The following PYM1 variants were observed in gnomAD, a reference collection of about 807,000 sequenced individuals.
PYM1 encodes PYM1 exon junction complex associated factor.
PYM1 carries 7 observed loss-of-function variants against 20.7 expected under a neutral mutation model. The observed-to-expected ratio is 0.34, with a 90% CI of 0.19 to 0.64. The LOEUF (loss-of-function observed/expected upper bound fraction) is 0.64. Ranked by LOEUF, PYM1 falls within the 30% of genes least tolerant of loss-of-function variation. PYM1 has a pLI of 0.74. For missense variants in PYM1, 194 were observed against 250.0 expected (o/e 0.78, Z 1.51); for synonymous variants, 100 against 99.2 (o/e 1.01, Z -0.05).
intron 1 of PYM1, among the ~76,000 whole-genome samples, chr12:55,905,950 T>TATATTAGATA (rs1555180546): frequency 1.6e-5 from 2 of 124,170 alleles, no homozygotes; most frequent in East Asian, 2.1e-4. Flanking sequence ...ATATATATTA[T>TATATTAGATA]TATATATATC....
At chr12:55,927,340 G>A (rs1310333392) in intron 1 of PYM1, 14 of 745,398 alleles carry the variant, frequency 1.9e-5, no homozygotes, top group Non-Finnish European at 3.3e-5. Flanking sequence ...CTTGCTGCCT[G>A]TAAAACAGTC....
At chr12:55,914,270 G>A (rs1272621212) in intron 1 of PYM1, 4 of 702,028 alleles carry the variant, frequency 5.7e-6, no homozygotes, top group Admixed American at 4.0e-5. Context: ...TATCACAAAG[G>A]AGCACCTATT....
chr12:55,902,462 T>C lies in PYM1; in HGVS notation c.132-107A>G, dbSNP rs921644524. On this transcript the variant is annotated intron_variant, in intron 2 of 2. Transcript: ENST00000408946. ...CCTCATTACATTCTTGCTTCCTTTT[T>C]TTGTTGTTGTTTTTGTGGGGTTGTT... 4 of 1,445,566 alleles carry C rather than the reference T, an allele frequency of 2.8e-6. No individual in the cohort carries two copies. The African/African-American group carries it at 5.7e-5, about 21-fold the overall frequency. 89.5% of individuals were successfully genotyped at this position (1,445,566 alleles called of 1,614,324 possible).
intron 1 of PYM1, chr12:55,927,192 A>G: frequency 1.3e-6 from 2 of 1,541,296 alleles, no homozygotes; most frequent in Non-Finnish European, 1.8e-6. Context: ...CGATCGTAGC[A>G]AGCCACCATC....
intron 1 of PYM1, among the ~76,000 whole-genome samples, chr12:55,924,971 C>T (rs1487421095): frequency 1.3e-5 from 2 of 152,148 alleles, no homozygotes; most frequent in Admixed American, 6.5e-5. Flanking sequence ...AGGCGTGAGC[C>T]GCCATGCCCA....
chr12:55,904,674 C>T (rs994133882), intron 1 of PYM1, among the ~76,000 whole-genome samples: 1 of 149,804 alleles, frequency 6.7e-6, no homozygotes, highest in South Asian at 2.1e-4. Flanking sequence ...AAGTGGAGTT[C>T]GAGACCAGCC....
chr12:55,909,938 G>A (rs1291005154), intron 1 of PYM1, among the ~76,000 whole-genome samples: 1 of 152,094 alleles, frequency 6.6e-6, no homozygotes, highest in Non-Finnish European at 1.5e-5. Context: ...AGTGGCTCAT[G>A]GCTGTAATCC....
chr12:55,913,145 T>C (rs1482372015), intron 1 of PYM1, among the ~76,000 whole-genome samples: 1 of 152,190 alleles, frequency 6.6e-6, no homozygotes, highest in African/African-American at 2.4e-5. Flanking sequence ...AAGGCAGCCT[T>C]CCTGACTTCC....
At chr12:55,924,786 C>G (rs705712) in intron 1 of PYM1, among the ~76,000 whole-genome samples, 5,781 of 152,266 alleles carry the variant, frequency 0.038, 381 homozygotes, top group African/African-American at 0.13. Flanking sequence ...AAGCGATTCT[C>G]CTGTCTCAAC....
intron 1 of PYM1, among the ~76,000 whole-genome samples, chr12:55,907,072 T>C (rs1439571923): frequency 7.1e-6 from 1 of 140,170 alleles, no homozygotes; most frequent in Non-Finnish European, 1.5e-5. Context: ...AACATATATA[T>C]ATATATGTTA....
rs901298191 is a variant in PYM1 at position 55,902,431 on chromosome 12, C to T, written c.132-76G>A. On this transcript the variant is annotated intron_variant, in intron 2 of 2. Coordinates refer to ENST00000408946, the MANE Select transcript of PYM1 (RefSeq NM_032345.3). ...ATCCCTTTTCTTAAACTTCCAAACACTTCATCCTCATTACATTCTTGCTTC... is the reference window on the plus strand; with the variant it reads ...ATCCCTTTTCTTAAACTTCCAAACATTTCATCCTCATTACATTCTTGCTTC... The T allele has an allele frequency of 5.3e-6, 8 of 1,510,482 alleles. No individual in the cohort carries two copies. The Admixed American group carries it at 1.3e-4, about 25-fold the overall frequency. 93.6% of individuals were successfully genotyped at this position (1,510,482 alleles called of 1,614,324 possible).
Position 55,902,082 on chromosome 12 carries a change from G to T in PYM1, c.405C>A (p.Pro135=), listed in dbSNP as rs774158597. ...AGTCAGGCTGGTCAGATGCAGCTGTGGGGGCTGCCCGAGAGCCCTGTGGAG... is the reference window on the plus strand; with the variant it reads ...AGTCAGGCTGGTCAGATGCAGCTGTTGGGGCTGCCCGAGAGCCCTGTGGAG... ...PSAPQGSRAA[P]TAASDQPDSA... is the part of the protein sequence containing the mutation. Residue 135 remains proline, a synonymous_variant, in exon 3 of 3, where the codon CCC becomes CCA. Coordinates refer to ENST00000408946, the MANE Select transcript of PYM1 (RefSeq NM_032345.3). The T allele has an allele frequency of 1.5e-5, 25 of 1,613,926 alleles. No homozygotes were observed. The highest frequency in any genetic ancestry group is 1.9e-5 in the Non-Finnish European group (23 of 1,180,012).
intron 2 of PYM1, 98 bp from the exon 3 acceptor site, chr12:55,902,453 C>T (rs1477644851): frequency 6.8e-7 from 1 of 1,471,006 alleles, no homozygotes; most frequent in Non-Finnish European, 9.0e-7. Context: ...TACATTCTTG[C>T]TTCCTTTTTT....
At chr12:55,927,119 G>A (rs1448560290) in intron 1 of PYM1, 2 of 1,550,394 alleles carry the variant, frequency 1.3e-6, no homozygotes, top group Admixed American at 2.0e-5. Context: ...TCTTGAAAAC[G>A]CAAACCACTT....
chr12:55,919,423 A>G (rs1488653808), intron 1 of PYM1, among the ~76,000 whole-genome samples: 1 of 152,074 alleles, frequency 6.6e-6, no homozygotes, highest in African/African-American at 2.4e-5. Flanking sequence ...CAAAGTGTTG[A>G]GGTTACAGGC....
intron 1 of PYM1, among the ~76,000 whole-genome samples, chr12:55,926,485 A>G (rs1268095976): frequency 1.3e-5 from 2 of 152,178 alleles, no homozygotes; most frequent in Non-Finnish European, 2.9e-5. Flanking sequence ...CCATCACGGG[A>G]GAAGGTAGCG....
chr12:55,923,402 CA>C (rs1238588066), intron 1 of PYM1, among the ~76,000 whole-genome samples: 3 of 151,484 alleles, frequency 2.0e-5, no homozygotes, highest in South Asian at 2.1e-4. Context: ...CGCATTTCTA[CA>C]AAAAATACAA....
chr12:55,907,220 T>C lies in PYM1; in HGVS notation c.38-3740A>G, dbSNP rs186760224. On this transcript the variant is annotated intron_variant, in intron 1 of 2. Coordinates refer to ENST00000408946, the MANE Select transcript of PYM1 (RefSeq NM_032345.3). ...GGTTCACACCTGTAATCCCAGCAAT[T>C]TGGGAGGTTGAAGTGGGTGGATCAC... 7.7e-4 allele frequency among the ~76,000 whole-genome samples: 117 copies of C among 151,780 alleles called. 1 individual carries two copies. Among genetic ancestry groups the C allele is most frequent in the African/African-American group, 2.6e-3 (108 of 41,374 alleles).
intron 1 of PYM1, among the ~76,000 whole-genome samples, chr12:55,917,366 G>A (rs1444366813): frequency 6.7e-6 from 1 of 150,100 alleles, no homozygotes; most frequent in Non-Finnish European, 1.5e-5. Flanking sequence ...GTTGCAGGGA[G>A]CCAAGGTCGC....
Sources: allele counts gnomAD v4.1 joint callset (sites outside exome capture counted in the v4.1 genomes callset), GRCh38; gene constraint gnomAD v4.1.1; transcripts MANE v1.5; gene names NCBI Gene and HGNC (gene_info 2026-07-23, HGNC 2026-07-21).